GPC6: variants seen among roughly 807,000 people sequenced by gnomAD.
The protein encoded by GPC6 is glypican 6.
A neutral mutation model predicts 55.2 loss-of-function variants in GPC6; 14 were observed. The observed-to-expected ratio is 0.25, with a 90% CI of 0.17 to 0.40. The LOEUF is 0.40. Ranked by LOEUF, GPC6 falls within the 10% of genes least tolerant of loss-of-function variation. GPC6 has a pLI of 1.00. For synonymous variants in GPC6, 278 were observed against 259.6 expected, an observed-to-expected ratio of 1.07 and a Z score of -0.68; for missense variants, 641 against 708.5, an observed-to-expected ratio of 0.90 and a Z score of 1.08.
chr13:93,383,215 C>G (rs1424646521), intron 1 of GPC6, among the ~76,000 whole-genome samples: 2 of 152,058 alleles, frequency 1.3e-5, no homozygotes, highest in East Asian at 3.9e-4. Context: ...AAACAAATCT[C>G]CATATATTTA....
At chr13:93,480,209 T>C (rs1464548630) in intron 1 of GPC6, among the ~76,000 whole-genome samples, 1 of 152,096 alleles carries the variant, frequency 6.6e-6, no homozygotes, top group Non-Finnish European at 1.5e-5. Context: ...AATATACACA[T>C]TGATTTAGGG....
chr13:93,955,587 A>C (rs1879474151), intron 3 of GPC6, among the ~76,000 whole-genome samples: 1 of 152,068 alleles, frequency 6.6e-6, no homozygotes, highest in South Asian at 2.1e-4. Flanking sequence ...ACACTATACT[A>C]CTTTTTGCGA....
intron 1 of GPC6, among the ~76,000 whole-genome samples, chr13:93,282,146 A>G (rs1349997293): frequency 6.6e-6 from 1 of 152,178 alleles, no homozygotes; most frequent in Non-Finnish European, 1.5e-5. Flanking sequence ...TCCAAGTTAT[A>G]TTATTTCTTG....
At chr13:93,993,899 C>T (rs564673177) in intron 3 of GPC6, among the ~76,000 whole-genome samples, 41 of 152,180 alleles carry the variant, frequency 2.7e-4, no homozygotes, top group Non-Finnish European at 5.3e-4. Flanking sequence ...AAACCCCATA[C>T]TGTATGTGGG....
At chr13:94,242,261 T>A (rs1448187391) in intron 4 of GPC6, among the ~76,000 whole-genome samples, 1 of 152,116 alleles carries the variant, frequency 6.6e-6, no homozygotes, top group African/African-American at 2.4e-5. Flanking sequence ...TCCTTTTTTA[T>A]GGCTGAATAT....
intron 4 of GPC6, among the ~76,000 whole-genome samples, chr13:94,274,275 A>T (rs1230487817): frequency 2.0e-5 from 3 of 152,120 alleles, no homozygotes; most frequent in African/African-American, 7.2e-5. Context: ...TTTCAGAATT[A>T]ATTTAGTTTG....
chr13:93,789,612 T>TATATATAATACTAC (rs1555331697), intron 2 of GPC6, among the ~76,000 whole-genome samples: 1,966 of 19,060 alleles, frequency 0.1, 121 homozygotes, highest in Admixed American at 0.15. Flanking sequence ...TATATATATA[T>TATATATAATACTAC]ATATATATAT....
chr13:93,630,807 A>G (rs1360741024), intron 2 of GPC6, among the ~76,000 whole-genome samples: 1 of 152,094 alleles, frequency 6.6e-6, no homozygotes, highest in Non-Finnish European at 1.5e-5. Context: ...TGAGTTTCTC[A>G]CCTTCTGTTA....
chr13:94,067,378 C>G (rs1041230872), intron 4 of GPC6, among the ~76,000 whole-genome samples: 3 of 152,066 alleles, frequency 2.0e-5, no homozygotes, highest in Non-Finnish European at 4.4e-5. Context: ...AAGCTAGAAT[C>G]CACATCTCCC....
chr13:93,592,561 T>A (rs898923886), intron 2 of GPC6, among the ~76,000 whole-genome samples: 2 of 151,280 alleles, frequency 1.3e-5, no homozygotes, highest in Non-Finnish European at 3.0e-5. Flanking sequence ...TCCAAGTTTT[T>A]AAATAAATTT....
chr13:93,751,766 T>G (rs1001980529), intron 2 of GPC6, among the ~76,000 whole-genome samples: 1 of 152,080 alleles, frequency 6.6e-6, no homozygotes, highest in Non-Finnish European at 1.5e-5. Flanking sequence ...GCTCAAGTGA[T>G]TCTCCTGCTT....
Position 93,613,342 on chromosome 13 carries a change from A to G in GPC6, c.319+67921A>G, listed in dbSNP as rs149705345. On this transcript the variant is annotated intron_variant, in intron 2 of 8. Coordinates refer to ENST00000377047, the MANE Select transcript of GPC6 (RefSeq NM_005708.5). ...GTGATTGCTGTGGATTATTAGGACT[A>G]AAGGTGGTGGGGAGTCTGGGCTCTG... Among the ~76,000 whole-genome samples, 120 of 152,300 alleles carry G rather than the reference A, an allele frequency of 7.9e-4. 2 individuals carry two copies. Among genetic ancestry groups the G allele is most frequent in the Middle Eastern group, 3.4e-3 (1 of 292 alleles).
At chr13:93,359,237 A>G (rs1342880620) in intron 1 of GPC6, among the ~76,000 whole-genome samples, 1 of 152,128 alleles carries the variant, frequency 6.6e-6, no homozygotes, top group African/African-American at 2.4e-5. Flanking sequence ...AAGTGCCAGG[A>G]TTACAGGCAT....
At chr13:93,518,675 T>G (rs1258210198) in intron 1 of GPC6, among the ~76,000 whole-genome samples, 2 of 152,040 alleles carry the variant, frequency 1.3e-5, no homozygotes, top group African/African-American at 4.8e-5. Context: ...GGCCAGTAGT[T>G]AAGCCTCTGT....
At chr13:93,980,465 C>T (rs1320745844) in intron 3 of GPC6, among the ~76,000 whole-genome samples, 2 of 152,068 alleles carry the variant, frequency 1.3e-5, no homozygotes, top group African/African-American at 2.4e-5. Flanking sequence ...AGAAAGAATC[C>T]AGCCAAGCAG....
chr13:93,865,852 C>G (rs1256165271), intron 3 of GPC6, among the ~76,000 whole-genome samples: 1 of 151,630 alleles, frequency 6.6e-6, no homozygotes, highest in East Asian at 2.0e-4. Context: ...CTTACTGTTA[C>G]CATAATACCT....
At chr13:93,856,481 G>A (rs1481301558) in intron 3 of GPC6, among the ~76,000 whole-genome samples, 1 of 151,518 alleles carries the variant, frequency 6.6e-6, no homozygotes, top group Non-Finnish European at 1.5e-5. Flanking sequence ...AGAGACAAAG[G>A]AACATAGGCA....
chr13:94,253,555 T>C (rs1566597223), intron 4 of GPC6, among the ~76,000 whole-genome samples: 1 of 152,272 alleles, frequency 6.6e-6, no homozygotes, highest in East Asian at 1.9e-4. Flanking sequence ...TTTTGCTTTT[T>C]AAGATGTGGG....
chr13:93,512,161 G>T (rs778124657), intron 1 of GPC6, among the ~76,000 whole-genome samples: 5 of 152,024 alleles, frequency 3.3e-5, no homozygotes, highest in Admixed American at 6.6e-5. Flanking sequence ...TTTCCAATTT[G>T]GATGCATTTT....
Sources: gnomAD v4.1 joint callset for allele counts (sites outside exome capture counted in the v4.1 genomes callset) on GRCh38, gnomAD v4.1.1 for gene constraint, MANE v1.5 for transcripts, NCBI Gene and HGNC (gene_info 2026-07-23, HGNC 2026-07-21) for gene names.